CPEB3: variants seen among roughly 807,000 people sequenced by gnomAD.
CPEB3 encodes the protein cytoplasmic polyadenylation element binding protein 3.
CPEB3 carries 20 observed loss-of-function variants against 67.2 expected under a neutral mutation model. The ratio of observed to expected loss-of-function variants is 0.30; its 90% CI spans 0.21 to 0.43. CPEB3 has a LOEUF of 0.43. Ranked by LOEUF, CPEB3 falls within the 20% of genes least tolerant of loss-of-function variation. The pLI, the probability that CPEB3 is intolerant of heterozygous loss-of-function variation, is 1.00. For synonymous variants in CPEB3, 376 were observed against 393.1 expected (o/e 0.96, Z 0.51); for missense variants, 746 against 968.6 (o/e 0.77, Z 3.05).
At chr10:92,238,114 C>G (rs1053862171) in intron 2 of CPEB3, among the ~76,000 whole-genome samples, 2 of 152,230 alleles carry the variant, frequency 1.3e-5, no homozygotes, top group Non-Finnish European at 2.9e-5. Flanking sequence ...AAGCACTCCT[C>G]AAAGGATTTC....
chr10:92,135,104 G>T (rs1294573441), intron 6 of CPEB3, among the ~76,000 whole-genome samples: 1 of 152,190 alleles, frequency 6.6e-6, no homozygotes, highest in Non-Finnish European at 1.5e-5. Flanking sequence ...ATAGGCATGG[G>T]CAAGGACGTC....
At chr10:92,178,259 G>A (rs554564455) in intron 4 of CPEB3, among the ~76,000 whole-genome samples, 1 of 151,542 alleles carries the variant, frequency 6.6e-6, no homozygotes, top group South Asian at 2.1e-4. Context: ...CCTGGGTTCA[G>A]GCGATTCTCC....
At chr10:92,171,562 A>C (rs1281279717) in intron 4 of CPEB3, among the ~76,000 whole-genome samples, 1 of 152,214 alleles carries the variant, frequency 6.6e-6, no homozygotes, top group Non-Finnish European at 1.5e-5. Context: ...AAAAGGAAAC[A>C]AAGGAAGGGG....
chr10:92,067,552 C>T (rs917455884), intron 9 of CPEB3, among the ~76,000 whole-genome samples: 1 of 151,570 alleles, frequency 6.6e-6, no homozygotes, highest in East Asian at 1.9e-4. Flanking sequence ...GGCGCAGTGG[C>T]GCATGCCTGT....
At chr10:92,168,193 T>C (rs1406784267) in intron 4 of CPEB3, among the ~76,000 whole-genome samples, 1 of 152,196 alleles carries the variant, frequency 6.6e-6, no homozygotes. Context: ...TTAGTTGTTA[T>C]TAGAAACATA....
chr10:92,123,911 T>G (rs1845501335), intron 6 of CPEB3, among the ~76,000 whole-genome samples: 1 of 152,220 alleles, frequency 6.6e-6, no homozygotes, highest in African/African-American at 2.4e-5. Context: ...CCCTCCTAGC[T>G]GGCTTCCCAT....
chr10:92,223,567 C>CTTTTTTTTT (rs903904452), intron 2 of CPEB3, among the ~76,000 whole-genome samples: 3 of 84,146 alleles, frequency 3.6e-5, no homozygotes, highest in Non-Finnish European at 7.4e-5. Flanking sequence ...CTAATTATTT[C>CTTTTTTTTT]TTTTTTTTTT....
intron 4 of CPEB3, among the ~76,000 whole-genome samples, chr10:92,155,265 A>G (rs146615511): frequency 3.3e-5 from 5 of 152,292 alleles, no homozygotes; most frequent in African/African-American, 4.8e-5. Flanking sequence ...ATAAGTTATA[A>G]CTCCAGTTCT....
chr10:92,265,495 G>A (rs2134940999), intron 1 of CPEB3, among the ~76,000 whole-genome samples: 1 of 152,076 alleles, frequency 6.6e-6, no homozygotes, highest in Middle Eastern at 3.4e-3. Context: ...GGTGGCTCAT[G>A]CCTGTAATCC....
At position 92,239,262 on chromosome 10, in the gene CPEB3, A is replaced by G. The variant is rs1851689158; in HGVS notation, c.1005+84T>C. The G allele has an allele frequency of 2.8e-6, 4 of 1,437,184 alleles. No homozygotes were observed. The highest frequency in any genetic ancestry group is 3.8e-6 in the Non-Finnish European group (4 of 1,052,268). The allele number at this position is 1,437,184 out of a possible 1,614,324, so 89.0% of individuals were successfully genotyped here. A position where few individuals can be genotyped will look rare whatever the true frequency, so the allele number is the denominator to read the frequency against. On this transcript the variant is annotated intron_variant, in intron 2 of 9. Coordinates refer to ENST00000265997, the MANE Select transcript of CPEB3 (RefSeq NM_014912.5). This position sits in a 1 kb window ranked among gnomAD's most constrained non-coding sequence, Gnocchi z 6.0. ...GGACATTGCTGCCCTTTTTAAATATAAGCGGGTGGATGATTAAAAGTCAGA... is the reference window on the plus strand; with the variant it reads ...GGACATTGCTGCCCTTTTTAAATATGAGCGGGTGGATGATTAAAAGTCAGA...
At chr10:92,236,688 G>T (rs1048872653) in intron 2 of CPEB3, among the ~76,000 whole-genome samples, 1 of 152,138 alleles carries the variant, frequency 6.6e-6, no homozygotes, top group African/African-American at 2.4e-5. Flanking sequence ...GGCAGAGGTT[G>T]CAGTGAGCCG....
chr10:92,095,601 T>TATA (rs1491405800), intron 7 of CPEB3, among the ~76,000 whole-genome samples: 20,061 of 87,190 alleles, frequency 0.23, 1,794 homozygotes, highest in East Asian at 0.32. Flanking sequence ...TATATATATA[T>TATA]TTTTTTTTTT....
chr10:92,166,951 A>T (rs902823084), intron 4 of CPEB3, among the ~76,000 whole-genome samples: 3 of 152,224 alleles, frequency 2.0e-5, no homozygotes, highest in African/African-American at 4.8e-5. Flanking sequence ...TGGGTAAGTA[A>T]CTTGCTGTAG....
intron 6 of CPEB3, among the ~76,000 whole-genome samples, chr10:92,112,118 C>T (rs914083573): frequency 1.2e-4 from 16 of 135,594 alleles, no homozygotes; most frequent in Non-Finnish European, 1.8e-4. Flanking sequence ...ATAAGCAAGA[C>T]CACGTTCCTT....
chr10:92,119,676 T>C lies in CPEB3; in HGVS notation c.1454-8482A>G, dbSNP rs866603381. ...AGGTGAGGGTGGAGGGGAATTAGTCTATCCCAGCTAGAGGGAGATAAAGAG... is the reference window on the plus strand; with the variant it reads ...AGGTGAGGGTGGAGGGGAATTAGTCCATCCCAGCTAGAGGGAGATAAAGAG... On this transcript the variant is annotated intron_variant, in intron 6 of 9. Transcript: ENST00000265997. Among the ~76,000 whole-genome samples, 18 of 152,264 alleles carry C rather than the reference T, an allele frequency of 1.2e-4. No homozygotes were observed. In the South Asian group the frequency reaches 2.1e-3, roughly 18 times the overall value.
chr10:92,084,869 G>A (rs56407610), intron 8 of CPEB3, among the ~76,000 whole-genome samples: 4,421 of 152,156 alleles, frequency 0.029, 183 homozygotes, highest in African/African-American at 0.097. Flanking sequence ...GTGAGCCACC[G>A]TGCCCGGCCT....
At chr10:92,243,866 T>C in intron 1 of CPEB3, among the ~76,000 whole-genome samples, 1 of 152,188 alleles carries the variant, frequency 6.6e-6, no homozygotes, top group East Asian at 1.9e-4. Flanking sequence ...AGATTTCTTG[T>C]ATTTTAGTTT....
intron 1 of CPEB3, among the ~76,000 whole-genome samples, chr10:92,288,916 A>G (rs1234215087): frequency 6.6e-6 from 1 of 152,214 alleles, no homozygotes; most frequent in Non-Finnish European, 1.5e-5. Context: ...GGTTAGACTG[A>G]CACAGCACAA....
intron 5 of CPEB3, among the ~76,000 whole-genome samples, chr10:92,143,388 G>C (rs1377778548): frequency 6.6e-6 from 1 of 152,156 alleles, no homozygotes; most frequent in Non-Finnish European, 1.5e-5. Flanking sequence ...TGGAAGAAAA[G>C]TATCTCATAT....
Sources: gnomAD v4.1 joint callset for allele counts (sites outside exome capture counted in the v4.1 genomes callset) on GRCh38, gnomAD v4.1.1 for gene constraint, Gnocchi (gnomAD v3.1) non-coding constraint, MANE v1.5 for transcripts, NCBI Gene and HGNC (gene_info 2026-07-23, HGNC 2026-07-21) for gene names.